Variants in LRFN4 observed in about 807,000 individuals in gnomAD.
LRFN4 encodes leucine-rich repeat and fibronectin type-III domain-containing protein 4.
Under a neutral mutation model 29.0 loss-of-function variants are expected in LRFN4, and 10 were observed. The observed-to-expected ratio is 0.35, with a 90% CI of 0.21 to 0.59. LRFN4 has a LOEUF of 0.59. Among genes scored for constraint, LRFN4 ranks in the 20% least tolerant of loss-of-function variants. LRFN4 has a pLI of 0.82. For synonymous variants in LRFN4, 493 were observed against 437.0 expected, an observed-to-expected ratio of 1.13 and a Z score of -1.60; for missense variants, 850 against 907.9, an observed-to-expected ratio of 0.94 and a Z score of 0.82.
chr11:66,859,838 C>T lies in LRFN4; in HGVS notation c.1551C>T (p.Thr517=). The change falls in exon 2 of 2, where the codon ACC becomes ACT. Residue 517 remains threonine (T), a synonymous_variant. Transcript: ENST00000309602. ...TGCAGGCCCACGTGCTGGGCGGGAC[C>T]CTGACCGTGGCCGTGGGGGGTGTGC... ...HALQAHVLGG[T]LTVAVGGVLV... The T allele has an allele frequency of 1.3e-6, 2 of 1,570,932 alleles. No homozygotes were observed. The highest frequency in any genetic ancestry group is 1.7e-6 in the Non-Finnish European group (2 of 1,157,510).
Position 66,857,967 on chromosome 11 carries a change from G to C in LRFN4, c.223G>C (p.Val75Leu). Residue 75 changes from valine to leucine, a missense_variant, in exon 1 of 2, where the codon GTG becomes CTG. Physicochemically the swap from Val to Leu is conservative, Grantham distance 32. Coordinates refer to ENST00000309602, the MANE Select transcript of LRFN4 (RefSeq NM_024036.5). The surrounding 1 kb of genome is among the most constrained non-coding windows in gnomAD (Gnocchi z 7.1). ...PPDFRNMTGLVDLTLSRNAIT... is the reference protein window; with the variant it reads ...PPDFRNMTGLLDLTLSRNAIT... Reference sequence around the variant, plus strand: ...TGACTTCCGCAACATGACGGGACTGGTGGACCTGACACTGTCTCGCAATGC... The same window carrying C: ...TGACTTCCGCAACATGACGGGACTGCTGGACCTGACACTGTCTCGCAATGC... 6.2e-7 allele frequency: 1 copy of C among 1,612,518 alleles called. No individual in the cohort carries two copies. Among genetic ancestry groups the C allele is most frequent in the Non-Finnish European group, 8.5e-7 (1 of 1,179,934 alleles).
chr11:66,859,824 G>C lies in LRFN4; in HGVS notation c.1537G>C (p.Val513Leu), dbSNP rs762935577. Residue 513 changes from valine to leucine, a missense_variant, in exon 2 of 2, where the codon GTG (valine) becomes CTG (leucine). By Grantham distance (32) the Val-to-Leu change is conservative. Around this residue, in one of 2 missense-constraint regions of LRFN4, gnomAD observed 744 missense variants for 753.8 expected, o/e 0.99. Coordinates refer to ENST00000309602, the MANE Select transcript of LRFN4 (RefSeq NM_024036.5). ...SPLCHALQAH[V>L]LGGTLTVAVG... The stretch of plus-strand genomic sequence containing the variant: ...CCTGTGCCACGCCCTGCAGGCCCAC[G>C]TGCTGGGCGGGACCCTGACCGTGGC... 1 of 1,579,930 alleles carries C rather than the reference G, an allele frequency of 6.3e-7. No individual in the cohort carries two copies. Among genetic ancestry groups the C allele is most frequent in the Non-Finnish European group, 8.6e-7 (1 of 1,162,508 alleles).
Position 66,859,830 on chromosome 11 carries a change from G to A in LRFN4, c.1543G>A (p.Gly515Ser). 1 of 1,575,250 alleles carries A rather than the reference G, an allele frequency of 6.3e-7. No homozygotes were observed. The highest frequency in any genetic ancestry group is 8.6e-7 in the Non-Finnish European group (1 of 1,159,852). ...CCACGCCCTGCAGGCCCACGTGCTG[G>A]GCGGGACCCTGACCGTGGCCGTGGG... The part of the protein sequence containing the change: ...LCHALQAHVL[G>S]GTLTVAVGGV... The change falls in exon 2 of 2, where the codon GGC becomes AGC. Residue 515 changes from glycine (G) to serine (S), a missense_variant. By Grantham distance (56) the Gly-to-Ser change is moderately conservative (BLOSUM62 0). This residue lies in a region of LRFN4 where 744 missense variants were observed against 753.8 expected (regional missense o/e 0.99). Transcript: ENST00000309602.
Position 66,860,251 on chromosome 11 carries a change from CG to C in LRFN4, c.*60del. 6.5e-7 allele frequency: 1 copy of C among 1,536,614 alleles called. No homozygotes were observed. On this transcript the variant is annotated 3_prime_UTR_variant, in exon 2 of 2. Transcript: ENST00000309602. ...GATGAGCCTCGTGGGGCAGAGGGCCCGGGGCCGCCGCCTGGCCTGGGAGTCC... is the reference window on the plus strand; with the variant it reads ...GATGAGCCTCGTGGGGCAGAGGGCCCGGGCCGCCGCCTGGCCTGGGAGTCC...
intron 1 of LRFN4, 91 bp from the exon 2 acceptor site, chr11:66,859,546 G>C (rs1266705237): frequency 6.4e-7 from 1 of 1,569,168 alleles, no homozygotes; most frequent in Non-Finnish European, 8.6e-7. Context: ...CCCAGGGGGA[G>C]GGGTGTTTGG....
At position 66,858,322 on chromosome 11, in the gene LRFN4, G is replaced by C. The variant is rs773798162; in HGVS notation, c.578G>C (p.Gly193Ala). 6.2e-7 allele frequency: 1 copy of C among 1,607,876 alleles called. No homozygotes were observed. Among genetic ancestry groups the C allele is most frequent in the Non-Finnish European group, 8.5e-7 (1 of 1,178,922 alleles). ...ALPPGAFAQLGQLSRLDLTSN... is the reference protein window; with the variant it reads ...ALPPGAFAQLAQLSRLDLTSN... Reference sequence around the variant, plus strand: ...CCCCCAGGCGCCTTCGCCCAGCTCGGTCAGCTCTCCCGCCTGGACCTCACC... The same window carrying C: ...CCCCCAGGCGCCTTCGCCCAGCTCGCTCAGCTCTCCCGCCTGGACCTCACC... The change falls in exon 1 of 2, where the codon GGT becomes GCT. Residue 193 changes from glycine (G) to alanine (A), a missense_variant. Around this residue, in one of 2 missense-constraint regions of LRFN4, gnomAD observed 744 missense variants for 753.8 expected, o/e 0.99. Coordinates refer to ENST00000309602, the MANE Select transcript of LRFN4 (RefSeq NM_024036.5). The surrounding 1 kb of genome is among the most constrained non-coding windows in gnomAD (Gnocchi z 5.9).
rs1565226330 is a variant in LRFN4, at chr11:66,858,848, G to C, written c.1104G>C (p.Val368=). ...CCACAGCCCGAGTAGAACTGCGGGTGCTGGCCTTGCCCCATGGTGGGAACA... is the reference window on the plus strand; with the variant it reads ...CCACAGCCCGAGTAGAACTGCGGGTCCTGGCCTTGCCCCATGGTGGGAACA... ...GEATARVELR[V]LALPHGGNSS... Residue 368 remains valine, a synonymous_variant, in exon 1 of 2, where the codon GTG becomes GTC. Transcript: ENST00000309602. The surrounding 1 kb of genome is among the most constrained non-coding windows in gnomAD (Gnocchi z 5.9). The C allele has an allele frequency of 6.4e-7, 1 of 1,551,918 alleles. No individual in the cohort carries two copies. Among genetic ancestry groups the C allele is most frequent in the Non-Finnish European group, 8.7e-7 (1 of 1,149,106 alleles).
chr11:66,858,741 A>G lies in LRFN4; in HGVS notation c.997A>G (p.Asn333Asp). The change falls in exon 1 of 2, where the codon AAC becomes GAC. Residue 333 changes from asparagine to aspartate, a missense_variant. Physicochemically the swap from Asn to Asp is conservative, Grantham distance 23. Transcript: ENST00000309602. This position sits in a 1 kb window ranked among gnomAD's most constrained non-coding sequence, Gnocchi z 5.9. ...GNSSRARAFP[N>D]GTLEIGVTGA... ...CTCCTCCCGAGCCCGGGCTTTCCCC[A>G]ACGGGACCTTAGAGATTGGGGTGAC... The G allele has an allele frequency of 1.3e-6, 2 of 1,554,410 alleles. No homozygotes were observed. The highest frequency in any genetic ancestry group is 1.7e-6 in the Non-Finnish European group (2 of 1,148,946).
rs376456123 is a variant in LRFN4 at position 66,859,527 on chromosome 11, C to T, written c.1350-110C>T. On this transcript the variant is annotated intron_variant, in intron 1 of 1. Coordinates refer to ENST00000309602, the MANE Select transcript of LRFN4 (RefSeq NM_024036.5). The stretch of plus-strand genomic sequence containing the variant: ...CACCTTCCTGAGTGAACCCAAGAGC[C>T]CGAGTGGCCCCAGGGGGAGGGGTGT... The T allele has an allele frequency of 2.4e-4, 374 of 1,543,662 alleles. 2 individuals are homozygous for T. In the East Asian group the frequency reaches 6.4e-3, roughly 27 times the overall value.
chr11:66,859,487 A>T (rs1565227736), intron 1 of LRFN4, 150 bp from the exon 2 acceptor site: 4 of 1,446,218 alleles, frequency 2.8e-6, no homozygotes, highest in Non-Finnish European at 3.7e-6. Context: ...TCCTGGCCAC[A>T]CTCTCCAGCC....
chr11:66,860,172 C>T lies in LRFN4; in HGVS notation c.1885C>T (p.Arg629Trp), dbSNP rs749816968. 1.7e-5 allele frequency: 26 copies of T among 1,546,350 alleles called. No individual in the cohort carries two copies. The highest frequency in any genetic ancestry group is 5.5e-5 in the African/African-American group (4 of 73,138). ...CCGGGGGGTAGGAGGCAGCGCCGAG[C>T]GGCTGGAAGAGAGTGTGGTGTGATG... ...GCRGVGGSAE[R>W]LEESVV Residue 629 changes from arginine (R) to tryptophan (W), a missense_variant, in exon 2 of 2, where the codon CGG becomes TGG. Arg to Trp is a moderately radical substitution (Grantham distance 101). This residue lies in a region of LRFN4 where 744 missense variants were observed against 753.8 expected (regional missense o/e 0.99). Transcript: ENST00000309602.
rs1480213646 is a variant in LRFN4 at position 66,858,633 on chromosome 11, C to T, written c.889C>T (p.Arg297Trp). The T allele has an allele frequency of 3.9e-6, 6 of 1,537,648 alleles. No homozygotes were observed. Among genetic ancestry groups the T allele is most frequent in the Admixed American group, 3.9e-5 (2 of 50,882 alleles). Residue 297 changes from arginine to tryptophan, a missense_variant, in exon 1 of 2, where the codon CGG becomes TGG. Around this residue, in one of 2 missense-constraint regions of LRFN4, gnomAD observed 744 missense variants for 753.8 expected, o/e 0.99. Coordinates refer to ENST00000309602, the MANE Select transcript of LRFN4 (RefSeq NM_024036.5). The surrounding 1 kb of genome is among the most constrained non-coding windows in gnomAD (Gnocchi z 5.9). ...GCGCCTCTGGGTGCTGGAAGGCCAG[C>T]GGGCCACGCTGCGGTGCCGGGCCCT... is the stretch of plus-strand genomic sequence containing the variant. Reference protein sequence around the residue: ...TQRLWVLEGQRATLRCRALGD... With the variant: ...TQRLWVLEGQWATLRCRALGD...
In LRFN4 at chr11:66,859,891, T is replaced by C; in HGVS notation, c.1604T>C (p.Val535Ala). The C allele has an allele frequency of 6.4e-7, 1 of 1,572,282 alleles. No homozygotes were observed. The highest frequency in any genetic ancestry group is 1.2e-5 in the South Asian group (1 of 83,532). The part of the protein sequence containing the change: ...VLVAALLVFT[V>A]ALLVRGRGAG... The stretch of plus-strand genomic sequence containing the variant: ...GTGGCTGCCTTACTGGTCTTCACTG[T>C]GGCCTTGCTGGTTCGGGGCCGGGGG... The change falls in exon 2 of 2, where the codon GTG (valine) becomes GCG (alanine). Residue 535 changes from valine to alanine, a missense_variant. Transcript: ENST00000309602.
rs1945910054 is a variant in LRFN4 at position 66,857,197 on chromosome 11, T to A, written c.-548T>A. On this transcript the variant is annotated 5_prime_UTR_variant, in exon 1 of 2. Coordinates refer to ENST00000309602, the MANE Select transcript of LRFN4 (RefSeq NM_024036.5). This position sits in a 1 kb window ranked among gnomAD's most constrained non-coding sequence, Gnocchi z 7.1. ...AGGGTGGGCGGCGGGCGGCCGGTCA[T>A]CCCCGGGCCTCGTCCCCGCGGGAGA... 1 of 147,898 alleles carries A rather than the reference T, an allele frequency of 6.8e-6. No individual in the cohort carries two copies. Among genetic ancestry groups the A allele is most frequent in the Non-Finnish European group, 1.5e-5 (1 of 66,630 alleles). The allele number at this position is 147,898 out of a possible 1,614,324, so 9.2% of individuals were successfully genotyped here. A position where few individuals can be genotyped will look rare whatever the true frequency, so the allele number is the denominator to read the frequency against.
Position 66,858,323 on chromosome 11 carries a change from T to C in LRFN4, c.579T>C (p.Gly193=), listed in dbSNP as rs1260140859. 1 of 1,607,822 alleles carries C rather than the reference T, an allele frequency of 6.2e-7. No homozygotes were observed. The highest frequency in any genetic ancestry group is 1.1e-5 in the South Asian group (1 of 90,928). ...CCCCAGGCGCCTTCGCCCAGCTCGG[T>C]CAGCTCTCCCGCCTGGACCTCACCT... The part of the protein sequence containing the change: ...ALPPGAFAQL[G]QLSRLDLTSN... Residue 193 remains glycine (G), a synonymous_variant, in exon 1 of 2, where the codon GGT becomes GGC. Coordinates refer to ENST00000309602, the MANE Select transcript of LRFN4 (RefSeq NM_024036.5). This position sits in a 1 kb window ranked among gnomAD's most constrained non-coding sequence, Gnocchi z 5.9.
Position 66,858,102 on chromosome 11 carries a change from G to T in LRFN4, c.358G>T (p.Val120Phe). Residue 120 changes from valine (V) to phenylalanine (F), a missense_variant, in exon 1 of 2, where the codon GTC becomes TTC. This residue lies in a region of LRFN4 where 744 missense variants were observed against 753.8 expected (regional missense o/e 0.99). Coordinates refer to ENST00000309602, the MANE Select transcript of LRFN4 (RefSeq NM_024036.5). This position sits in a 1 kb window ranked among gnomAD's most constrained non-coding sequence, Gnocchi z 5.9. ...GGGCACCGGGAGCCTCCGGGGCCCC[G>T]TCAATCTGCAGCACCTCATCCTCAG... The part of the protein sequence containing the change: ...ELGTGSLRGP[V>F]NLQHLILSGN... The T allele has an allele frequency of 6.2e-7, 1 of 1,609,746 alleles. No homozygotes were observed. The highest frequency in any genetic ancestry group is 1.7e-4 in the Middle Eastern group (1 of 6,056).
Position 66,858,618 on chromosome 11 carries a change from G to C in LRFN4, c.874G>C (p.Val292Leu), listed in dbSNP as rs760606629. ...LIARHTQRLW[V>L]LEGQRATLRC... ...TGCCCGCCACACGCAGCGCCTCTGG[G>C]TGCTGGAAGGCCAGCGGGCCACGCT... Residue 292 changes from valine to leucine, a missense_variant, in exon 1 of 2, where the codon GTG (valine) becomes CTG (leucine). By Grantham distance (32) the Val-to-Leu change is conservative. Around this residue, in one of 2 missense-constraint regions of LRFN4, gnomAD observed 744 missense variants for 753.8 expected, o/e 0.99. Coordinates refer to ENST00000309602, the MANE Select transcript of LRFN4 (RefSeq NM_024036.5). The surrounding 1 kb of genome is among the most constrained non-coding windows in gnomAD (Gnocchi z 5.9). 2.0e-6 allele frequency: 3 copies of C among 1,536,334 alleles called. No homozygotes were observed. The East Asian group carries it at 7.3e-5, about 38-fold the overall frequency.
At position 66,858,181 on chromosome 11, in the gene LRFN4, G is replaced by C. The variant is rs1174120095; in HGVS notation, c.437G>C (p.Ser146Thr). 2.5e-6 allele frequency: 4 copies of C among 1,611,724 alleles called. No homozygotes were observed. Among genetic ancestry groups the C allele is most frequent in the Non-Finnish European group, 3.4e-6 (4 of 1,179,356 alleles). Reference protein sequence around the residue: ...APGAFDDFLESLEDLDLSYNN... With the variant: ...APGAFDDFLETLEDLDLSYNN... ...GGAGCCTTCGACGACTTCCTAGAGAGCCTGGAGGACCTGGACCTGTCCTAC... is the reference window on the plus strand; with the variant it reads ...GGAGCCTTCGACGACTTCCTAGAGACCCTGGAGGACCTGGACCTGTCCTAC... The change falls in exon 1 of 2, where the codon AGC (serine) becomes ACC (threonine). Residue 146 changes from serine to threonine, a missense_variant. Ser to Thr is a moderately conservative substitution (Grantham distance 58). This residue lies in a region of LRFN4 where 744 missense variants were observed against 753.8 expected (regional missense o/e 0.99). Coordinates refer to ENST00000309602, the MANE Select transcript of LRFN4 (RefSeq NM_024036.5). The surrounding 1 kb of genome is among the most constrained non-coding windows in gnomAD (Gnocchi z 5.9).
At position 66,858,586 on chromosome 11, in the gene LRFN4, C is replaced by T; in HGVS notation, c.842C>T (p.Pro281Leu). 6.5e-7 allele frequency: 1 copy of T among 1,533,224 alleles called. No individual in the cohort carries two copies. The highest frequency in any genetic ancestry group is 8.7e-7 in the Non-Finnish European group (1 of 1,143,634). 95.0% of individuals were successfully genotyped at this position (1,533,224 alleles called of 1,614,324 possible). ...VPEGEFSCEP[P>L]LIARHTQRLW... is the part of the protein sequence containing the mutation. ...GAGGGCGAGTTCTCCTGTGAGCCGC[C>T]CCTCATTGCCCGCCACACGCAGCGC... Residue 281 changes from proline to leucine, a missense_variant, in exon 1 of 2, where the codon CCC (proline) becomes CTC (leucine). This residue lies in a region of LRFN4 where 744 missense variants were observed against 753.8 expected (regional missense o/e 0.99). Coordinates refer to ENST00000309602, the MANE Select transcript of LRFN4 (RefSeq NM_024036.5). The surrounding 1 kb of genome is among the most constrained non-coding windows in gnomAD (Gnocchi z 5.9).
Sources: gnomAD v4.1 joint callset for allele counts on GRCh38, gnomAD v4.1.1 for gene constraint, gnomAD v4.1.1 regional missense constraint, Gnocchi (gnomAD v3.1) non-coding constraint, MANE v1.5 for transcripts, NCBI Gene and HGNC (gene_info 2026-07-23, HGNC 2026-07-21) for gene names.